GRM8: variants seen among roughly 807,000 people sequenced by gnomAD.
The protein encoded by GRM8 is glutamate metabotropic receptor 8, also known as metabotropic glutamate receptor 8.
GRM8 carries 47 observed loss-of-function variants against 87.2 expected under a neutral mutation model. The observed-to-expected ratio is 0.54, with a 90% CI of 0.43 to 0.69. The LOEUF (loss-of-function observed/expected upper bound fraction) is 0.69. Ranked by LOEUF, GRM8 falls within the 30% of genes least tolerant of loss-of-function variation. GRM8 has a pLI of 0.00. For missense variants in GRM8, 1,019 were observed against 1,139.2 expected (o/e 0.89, Z 1.52); for synonymous variants, 396 against 404.5 (o/e 0.98, Z 0.25).
At chr7:126,561,512 A>G (rs1793694046) in intron 8 of GRM8, among the ~76,000 whole-genome samples, 1 of 151,992 alleles carries the variant, frequency 6.6e-6, no homozygotes, top group Admixed American at 6.6e-5. Context: ...AGGATGCTAT[A>G]CCATATTATT....
intron 7 of GRM8, among the ~76,000 whole-genome samples, chr7:126,687,934 T>A (rs1808359516): frequency 1.3e-5 from 2 of 152,134 alleles, no homozygotes; most frequent in African/African-American, 4.8e-5. Context: ...GTGAAGTAAG[T>A]CCATGTTCAA....
At chr7:126,909,961 C>A (rs1489932836) in intron 3 of GRM8, among the ~76,000 whole-genome samples, 1 of 152,090 alleles carries the variant, frequency 6.6e-6, no homozygotes, top group Non-Finnish European at 1.5e-5. Context: ...GGTTTAGTGA[C>A]TGCAAATGAT....
At chr7:126,480,210 C>T (rs569637573) in intron 9 of GRM8, among the ~76,000 whole-genome samples, 15 of 151,950 alleles carry the variant, frequency 9.9e-5, no homozygotes, top group Non-Finnish European at 1.5e-4. Flanking sequence ...CATGGTGAAA[C>T]TCTCTCTCTA....
Position 126,544,902 on chromosome 7 carries a change from G to A in GRM8, c.1495-11015C>T, listed in dbSNP as rs114883364. On this transcript the variant is annotated intron_variant, in intron 8 of 10. Transcript: ENST00000339582. ...GGAGCACTGGAGAAAAGATATCCAC[G>A]CTCTACCCATCATTAAATACAGCTG... is the stretch of plus-strand genomic sequence containing the variant. Among the ~76,000 whole-genome samples the A allele has an allele frequency of 5.6e-3, 854 of 152,222 alleles. 10 individuals carry two copies. The highest frequency in any genetic ancestry group is 0.02 in the African/African-American group (818 of 41,538).
chr7:126,911,033 T>C (rs13308520), intron 3 of GRM8, among the ~76,000 whole-genome samples: 1 of 152,230 alleles, frequency 6.6e-6, no homozygotes, highest in African/African-American at 2.4e-5. Context: ...CAATGTAGCA[T>C]ATTATTATTA....
rs138299983 is a variant in GRM8, at chr7:127,153,365, G to A, written c.511-46653C>T. 2.2e-3 allele frequency among the ~76,000 whole-genome samples: 336 copies of A among 152,226 alleles called. 1 individual carries two copies. The highest frequency in any genetic ancestry group is 7.7e-3 in the African/African-American group (318 of 41,558). On this transcript the variant is annotated intron_variant, in intron 2 of 10. Coordinates refer to ENST00000339582, the MANE Select transcript of GRM8 (RefSeq NM_000845.3). ...TTTATAAAAAAATTGATAGCACAAG[G>A]AGTATGAGAATGTAGAAGATCAAAT...
In GRM8 at chr7:126,614,864, C is replaced by A. The variant is rs142963923; in HGVS notation, c.1358-5366G>T. On this transcript the variant is annotated intron_variant, in intron 7 of 10. Transcript: ENST00000339582. ...GAAAGAACAAAGCCTCTAAGAAATACGGGACTATGTGAAAAGACCAAATCT... is the reference window on the plus strand; with the variant it reads ...GAAAGAACAAAGCCTCTAAGAAATAAGGGACTATGTGAAAAGACCAAATCT... Among the ~76,000 whole-genome samples the A allele has an allele frequency of 2.9e-3, 434 of 152,176 alleles. 7 individuals are homozygous for A. The East Asian group carries it at 0.05, about 18-fold the overall frequency.
chr7:127,019,375 GA>G (rs1354955760), intron 3 of GRM8, among the ~76,000 whole-genome samples: 3 of 152,010 alleles, frequency 2.0e-5, no homozygotes, highest in Admixed American at 2.0e-4. Context: ...GTGTTGTTCT[GA>G]GAGCTCAGCC....
chr7:127,041,932 T>C (rs976781446), intron 3 of GRM8, among the ~76,000 whole-genome samples: 5 of 152,182 alleles, frequency 3.3e-5, no homozygotes, highest in South Asian at 2.1e-4. Context: ...TGAGCTCTGA[T>C]TGAGCTCTGT....
chr7:126,972,007 G>A (rs887964743), intron 3 of GRM8, among the ~76,000 whole-genome samples: 5 of 152,188 alleles, frequency 3.3e-5, no homozygotes, highest in Non-Finnish European at 5.9e-5. Flanking sequence ...ACAATTCCGT[G>A]GAGGTAGAGA....
intron 1 of GRM8, 52 bp from the exon 2 acceptor site, chr7:127,243,567 C>T (rs1798426774): frequency 5.0e-6 from 1 of 198,758 alleles, no homozygotes; most frequent in African/African-American, 2.3e-5. Flanking sequence ...ACATGTTTCA[C>T]ATTTTGCAGC....
intron 7 of GRM8, among the ~76,000 whole-genome samples, chr7:126,693,628 T>C (rs1809052153): frequency 6.6e-6 from 1 of 152,186 alleles, no homozygotes; most frequent in South Asian, 2.1e-4. Flanking sequence ...ATACTTTTTC[T>C]AAAAGTTTTA....
intron 8 of GRM8, among the ~76,000 whole-genome samples, chr7:126,559,257 A>C (rs1375383764): frequency 1.4e-5 from 2 of 147,406 alleles, no homozygotes; most frequent in Non-Finnish European, 3.0e-5. Context: ...GGTTCAAGTG[A>C]TTCTCATGCC....
intron 8 of GRM8, among the ~76,000 whole-genome samples, chr7:126,570,414 A>T (rs2150984164): frequency 6.6e-6 from 1 of 152,328 alleles, no homozygotes; most frequent in South Asian, 2.1e-4. Context: ...CAAAGCATTA[A>T]GCCACTCCAG....
At chr7:127,097,542 C>A (rs1279973596) in intron 3 of GRM8, among the ~76,000 whole-genome samples, 1 of 152,188 alleles carries the variant, frequency 6.6e-6, no homozygotes, top group Non-Finnish European at 1.5e-5. Context: ...GCACACCAGG[C>A]AACATACCTA....
At chr7:127,218,376 A>G (rs914912208) in intron 2 of GRM8, among the ~76,000 whole-genome samples, 3 of 152,240 alleles carry the variant, frequency 2.0e-5, no homozygotes, top group South Asian at 2.1e-4. Context: ...ACAGCAGGGT[A>G]CAATGCTTAA....
rs113223978 is a variant in GRM8, at chr7:126,907,040, C to T, written c.728-2357G>A. Reference sequence around the variant, plus strand: ...TATTGTGGGTAACTCAGGCTTAATGCAAACTAAAAAGAAAGAAGAAGAAGA... The same window carrying T: ...TATTGTGGGTAACTCAGGCTTAATGTAAACTAAAAAGAAAGAAGAAGAAGA... On this transcript the variant is annotated intron_variant, in intron 3 of 10. Coordinates refer to ENST00000339582, the MANE Select transcript of GRM8 (RefSeq NM_000845.3). 8.8e-3 allele frequency among the ~76,000 whole-genome samples: 1,327 copies of T among 150,456 alleles called. 11 individuals carry two copies. Among genetic ancestry groups the T allele is most frequent in the African/African-American group, 0.03 (1,232 of 40,774 alleles).
intron 7 of GRM8, among the ~76,000 whole-genome samples, chr7:126,724,757 T>G (rs1331145372): frequency 6.7e-6 from 1 of 148,414 alleles, no homozygotes; most frequent in Non-Finnish European, 1.5e-5. Context: ...ATAAACTATT[T>G]GCAAAAAAAA....
intron 6 of GRM8, among the ~76,000 whole-genome samples, chr7:126,866,302 T>C (rs1014998487): frequency 3.9e-5 from 6 of 152,200 alleles, no homozygotes; most frequent in African/African-American, 1.4e-4. Context: ...TAGTTCTTTA[T>C]ATTTTAGCTA....
Sources: allele counts gnomAD v4.1 joint callset (sites outside exome capture counted in the v4.1 genomes callset), GRCh38; gene constraint gnomAD v4.1.1; transcripts MANE v1.5; gene names NCBI Gene and HGNC (gene_info 2026-07-23, HGNC 2026-07-21).